The following NPAS3 variants were observed in gnomAD, a reference collection of about 807,000 sequenced individuals.
NPAS3 encodes the protein neuronal PAS domain protein 3.
A neutral mutation model predicts 73.1 loss-of-function variants in NPAS3; 14 were observed. The observed-to-expected ratio is 0.19, with a 90% CI of 0.13 to 0.30. NPAS3 has a LOEUF of 0.30. NPAS3 is among the 10% of genes least tolerant of loss of function. The probability of loss-of-function intolerance (pLI) is 1.00; values close to 1 mark genes in which losing one functional copy is unlikely to be tolerated. For missense variants in NPAS3, 1,096 were observed against 1,250.0 expected, an observed-to-expected ratio of 0.88 and a Z score of 1.86; for synonymous variants, 620 against 541.5, an observed-to-expected ratio of 1.14 and a Z score of -2.01.
At chr14:33,370,696 A>G (rs1259873235) in intron 4 of NPAS3, among the ~76,000 whole-genome samples, 1 of 152,128 alleles carries the variant, frequency 6.6e-6, no homozygotes, top group Non-Finnish European at 1.5e-5. Flanking sequence ...AGTTCAAGAA[A>G]ATGAAGATCT....
chr14:33,751,459 G>GA (rs1286499401), intron 7 of NPAS3, among the ~76,000 whole-genome samples: 9 of 151,708 alleles, frequency 5.9e-5, no homozygotes, highest in African/African-American at 9.7e-5. Flanking sequence ...TAACTCAAGG[G>GA]AAAAAAAACT....
chr14:33,035,678 G>A lies in NPAS3; in HGVS notation c.51-20227G>A, dbSNP rs993903690. 7.9e-5 allele frequency among the ~76,000 whole-genome samples: 12 copies of A among 152,178 alleles called. 1 individual carries two copies. The highest frequency in any genetic ancestry group is 1.5e-5 in the Non-Finnish European group (1 of 68,032). ...CATTTTCCAATTACTTTGCAAAAGG[G>A]ATTGCCAAGGGATATTTTGGAACTG... On this transcript the variant is annotated intron_variant, in intron 1 of 11. Transcript: ENST00000356141.
At chr14:33,083,379 A>G (rs1413929347) in intron 2 of NPAS3, among the ~76,000 whole-genome samples, 2 of 152,130 alleles carry the variant, frequency 1.3e-5, no homozygotes, top group Non-Finnish European at 2.9e-5. Context: ...TATATTGGCA[A>G]CTAAGAAAGT....
At chr14:33,520,477 A>T (rs1413204374) in intron 4 of NPAS3, among the ~76,000 whole-genome samples, 2 of 152,084 alleles carry the variant, frequency 1.3e-5, no homozygotes, top group African/African-American at 4.8e-5. Context: ...CTGGGGGAAG[A>T]AAAAAAGTGA....
intron 5 of NPAS3, among the ~76,000 whole-genome samples, chr14:33,590,918 CA>C (rs907784551): frequency 7.9e-5 from 12 of 152,292 alleles, no homozygotes; most frequent in Admixed American, 2.0e-4. Flanking sequence ...ACCAGAGATA[CA>C]GTGATGTGCA....
rs1392758552 is a variant in NPAS3 at position 33,095,663 on chromosome 14, TTTTTTTA to T, written c.140+39676_140+39682del. On this transcript the variant is annotated intron_variant, in intron 2 of 11. Transcript: ENST00000356141. ...AAGGCGTGGGCATTCTCTGCTTTTA[TTTTTTTA>T]TTTTTTTTTTTTTTTTGAGAGGGAG... 7.0e-4 allele frequency among the ~76,000 whole-genome samples: 36 copies of T among 51,304 alleles called. 5 individuals carry two copies. The highest frequency in any genetic ancestry group is 1.8e-3 in the African/African-American group (29 of 16,108). The allele number at this position is 51,304 out of a possible 152,430, so 33.7% of individuals were successfully genotyped here. A position where few individuals can be genotyped will look rare whatever the true frequency, so the allele number is the denominator to read the frequency against.
chr14:33,031,225 T>G (rs1455008531), intron 1 of NPAS3, among the ~76,000 whole-genome samples: 1 of 152,244 alleles, frequency 6.6e-6, no homozygotes, highest in Admixed American at 6.5e-5. Context: ...ATAATACCAG[T>G]AACTTCTCAT....
chr14:33,246,444 C>T (rs1413586861), intron 3 of NPAS3, among the ~76,000 whole-genome samples: 1 of 147,708 alleles, frequency 6.8e-6, no homozygotes, highest in African/African-American at 2.5e-5. Context: ...GAGGCTGAGG[C>T]AGGAGAATGG....
intron 4 of NPAS3, among the ~76,000 whole-genome samples, chr14:33,486,567 T>C (rs987555021): frequency 6.6e-6 from 1 of 152,144 alleles, no homozygotes; most frequent in Non-Finnish European, 1.5e-5. Flanking sequence ...CTGTTATACA[T>C]GAAGGGAAGA....
intron 5 of NPAS3, among the ~76,000 whole-genome samples, chr14:33,667,183 T>A (rs529053032): frequency 1.4e-5 from 2 of 141,966 alleles, no homozygotes; most frequent in South Asian, 4.7e-4. Flanking sequence ...TGTATACTTA[T>A]AGCATATTAC....
At chr14:33,573,082 G>A (rs1305946519) in intron 5 of NPAS3, among the ~76,000 whole-genome samples, 1 of 149,452 alleles carries the variant, frequency 6.7e-6, no homozygotes, top group Non-Finnish European at 1.5e-5. Context: ...ATGAACTTGT[G>A]AAAACATCAG....
upstream of NPAS3, among the ~76,000 whole-genome samples, chr14:32,937,513 A>C (rs937169331): frequency 1.1e-4 from 17 of 151,950 alleles, no homozygotes; most frequent in African/African-American, 4.1e-4. Flanking sequence ...TCTTGTCCAT[A>C]ACACTCTCCA....
chr14:33,800,850 C>G lies in NPAS3; in HGVS notation c.2543C>G (p.Ala848Gly). The change falls in exon 12 of 12, where the codon GCG becomes GGG. Residue 848 changes from alanine to glycine, a missense_variant. This residue lies in a region of NPAS3 where 698 missense variants were observed against 676.7 expected (regional missense o/e 1.03). Coordinates refer to ENST00000356141, the Ensembl canonical transcript of NPAS3. The surrounding 1 kb of genome is among the most constrained non-coding windows in gnomAD (Gnocchi z 6.5). ...ATGCAGAGCAACCTGCTGCCCAACG[C>G]GCACGCTGTTAACTTCGTGGACGTT... The G allele has an allele frequency of 6.2e-7, 1 of 1,604,986 alleles. No individual in the cohort carries two copies. Among genetic ancestry groups the G allele is most frequent in the South Asian group, 1.1e-5 (1 of 89,002 alleles).
intron 6 of NPAS3, among the ~76,000 whole-genome samples, chr14:33,718,186 T>G (rs2061008834): frequency 6.6e-6 from 1 of 152,170 alleles, no homozygotes; most frequent in Non-Finnish European, 1.5e-5. Context: ...CTTCCCCTTA[T>G]TTCCTTAATG....
At chr14:33,262,931 G>A (rs973845997) in intron 3 of NPAS3, among the ~76,000 whole-genome samples, 16 of 152,152 alleles carry the variant, frequency 1.1e-4, no homozygotes, top group Non-Finnish European at 2.2e-4. Flanking sequence ...CTTTTGAGGA[G>A]TGTCTGTTCA....
At chr14:33,256,132 T>G (rs2048771843) in intron 3 of NPAS3, among the ~76,000 whole-genome samples, 1 of 152,198 alleles carries the variant, frequency 6.6e-6, no homozygotes, top group South Asian at 2.1e-4. Context: ...TATTCATAAT[T>G]TAGGTAAAGC....
intron 5 of NPAS3, among the ~76,000 whole-genome samples, chr14:33,624,741 A>T (rs2058175030): frequency 6.6e-6 from 1 of 152,216 alleles, no homozygotes; most frequent in Non-Finnish European, 1.5e-5. Flanking sequence ...ACCAGATGTC[A>T]GTTAACTCAA....
At chr14:33,049,275 T>A (rs1825994684) in intron 1 of NPAS3, among the ~76,000 whole-genome samples, 2 of 152,244 alleles carry the variant, frequency 1.3e-5, no homozygotes, top group African/African-American at 4.8e-5. Flanking sequence ...CTAACCCATG[T>A]GAAATAACAT....
At chr14:33,653,826 A>G (rs975515199) in intron 5 of NPAS3, among the ~76,000 whole-genome samples, 1 of 152,224 alleles carries the variant, frequency 6.6e-6, no homozygotes, top group African/African-American at 2.4e-5. Flanking sequence ...GAAACACTGC[A>G]TGATTGGAAG....
Sources: allele counts gnomAD v4.1 joint callset (sites outside exome capture counted in the v4.1 genomes callset), GRCh38; gene constraint gnomAD v4.1.1; regional missense constraint gnomAD v4.1.1; non-coding constraint Gnocchi (gnomAD v3.1); transcripts MANE v1.5; gene names NCBI Gene and HGNC (gene_info 2026-07-23, HGNC 2026-07-21).